Variants in TLN2 observed in about 807,000 individuals in gnomAD.
The protein encoded by TLN2 is talin 2.
TLN2 carries 118 observed loss-of-function variants against 294.7 expected under a neutral mutation model. The ratio of observed to expected loss-of-function variants is 0.40; its 90% CI spans 0.34 to 0.47. TLN2 has a LOEUF of 0.47. TLN2 is among the 20% of genes least tolerant of loss of function. The pLI is 0.84. For synonymous variants in TLN2, 1,431 were observed against 1,304.5 expected (o/e 1.10, Z -2.09); for missense variants, 3,083 against 3,282.2 (o/e 0.94, Z 1.48).
chr15:62,667,172 T>A (rs1013210054), intron 9 of TLN2, among the ~76,000 whole-genome samples: 2 of 152,072 alleles, frequency 1.3e-5, no homozygotes, highest in Admixed American at 1.3e-4. Flanking sequence ...TTCACCATGT[T>A]AGCCAGGATG....
At chr15:62,464,911 G>A (rs533084295) in intron 1 of TLN2, among the ~76,000 whole-genome samples, 2 of 152,156 alleles carry the variant, frequency 1.3e-5, no homozygotes, top group Non-Finnish European at 2.9e-5. Flanking sequence ...TGATGATTTC[G>A]GATTTGTACT....
intron 1 of TLN2, among the ~76,000 whole-genome samples, chr15:62,562,457 T>C (rs1013128737): frequency 3.3e-5 from 5 of 152,176 alleles, no homozygotes; most frequent in Non-Finnish European, 7.4e-5. Context: ...GTCTCCTCCT[T>C]GCCTGTCTGA....
chr15:62,837,540 C>T (rs1243640687), intron 57 of TLN2, among the ~76,000 whole-genome samples: 1 of 152,182 alleles, frequency 6.6e-6, no homozygotes, highest in Non-Finnish European at 1.5e-5. Context: ...TAGAATGCAG[C>T]ATCACTCTTG....
At chr15:62,530,308 ATAAATG>A (rs1353315942) in intron 1 of TLN2, among the ~76,000 whole-genome samples, 1 of 151,372 alleles carries the variant, frequency 6.6e-6, no homozygotes, top group East Asian at 1.9e-4. Flanking sequence ...TCAAAGGAAT[ATAAATG>A]TATTTGTTTG....
rs537052056 is a variant in TLN2, at chr15:62,461,098, G to A, written c.-238+70413G>A. Among the ~76,000 whole-genome samples the A allele has an allele frequency of 3.6e-4, 55 of 152,216 alleles. 2 individuals are homozygous for A. The South Asian group carries it at 1.0e-2, about 28-fold the overall frequency. ...CAAGTAGCAGGGACTACAGGCACAC[G>A]CTACCATGCCCGGCTAATTTTTGTA... On this transcript the variant is annotated intron_variant, in intron 1 of 58. Transcript: ENST00000636159.
chr15:62,699,133 G>T (rs2058550728), intron 16 of TLN2, among the ~76,000 whole-genome samples: 1 of 152,174 alleles, frequency 6.6e-6, no homozygotes, highest in African/African-American at 2.4e-5. Flanking sequence ...ACCAGCTCCA[G>T]TACTGGCTGT....
At chr15:62,702,341 G>A in intron 18 of TLN2, 141 bp downstream of exon 18, 1 of 967,004 alleles carries the variant, frequency 1.0e-6, no homozygotes, top group Non-Finnish European at 1.5e-6. Flanking sequence ...CTGGAGTTGT[G>A]GAACTGGGTG....
chr15:62,592,616 A>T (rs989078543), intron 2 of TLN2, among the ~76,000 whole-genome samples: 2 of 151,466 alleles, frequency 1.3e-5, no homozygotes, highest in African/African-American at 4.9e-5. Context: ...AAACCAGAGG[A>T]AGGAGAATTG....
intron 32 of TLN2, among the ~76,000 whole-genome samples, chr15:62,743,718 A>G (rs1463045741): frequency 6.6e-6 from 1 of 152,138 alleles, no homozygotes; most frequent in Non-Finnish European, 1.5e-5. Context: ...GCAGTTGCCA[A>G]AACGAAGGGG....
At chr15:62,660,400 G>A (rs561938010) in intron 9 of TLN2, among the ~76,000 whole-genome samples, 29 of 152,252 alleles carry the variant, frequency 1.9e-4, no homozygotes, top group African/African-American at 7.0e-4. Flanking sequence ...CTTTATTGAT[G>A]GGGAGAATAA....
At chr15:62,437,657 A>C (rs2035349627) in intron 1 of TLN2, among the ~76,000 whole-genome samples, 1 of 152,156 alleles carries the variant, frequency 6.6e-6, no homozygotes, top group Non-Finnish European at 1.5e-5. Context: ...ATGAGCTTCT[A>C]GTCCTAGCCC....
chr15:62,536,421 G>C (rs1333650515), intron 1 of TLN2, among the ~76,000 whole-genome samples: 1 of 152,036 alleles, frequency 6.6e-6, no homozygotes, highest in Non-Finnish European at 1.5e-5. Context: ...TTTCTTCTGT[G>C]GCACCAATTT....
chr15:62,413,578 C>T (rs926139206), intron 1 of TLN2, among the ~76,000 whole-genome samples: 2 of 152,226 alleles, frequency 1.3e-5, no homozygotes, highest in Non-Finnish European at 2.9e-5. Flanking sequence ...AACCTCTGCA[C>T]TGTAAGTGGC....
chr15:62,620,413 A>G (rs2048693839), intron 3 of TLN2, among the ~76,000 whole-genome samples: 1 of 151,962 alleles, frequency 6.6e-6, no homozygotes. Context: ...TGGCCTGCCT[A>G]CTGCTTTTGT....
Position 62,431,997 on chromosome 15 carries a change from C to T in TLN2, c.-238+41312C>T, listed in dbSNP as rs139254345. 1.2e-3 allele frequency among the ~76,000 whole-genome samples: 183 copies of T among 152,270 alleles called. 4 individuals are homozygous for T. In the East Asian group the frequency reaches 0.03, roughly 25 times the overall value. On this transcript the variant is annotated intron_variant, in intron 1 of 58. Transcript: ENST00000636159. ...CTTCTGGAACGCTCCTTGGAAAGGA[C>T]GTGTTGCTCTTTTAGCTCCTGAATG...
chr15:62,644,917 T>C, intron 3 of TLN2: 1 of 265,192 alleles, frequency 3.8e-6, no homozygotes, highest in Non-Finnish European at 7.4e-6. Context: ...GCAGCAACGC[T>C]TACAACACTT....
rs375134469 is a variant in TLN2 at position 62,796,196 on chromosome 15, G to T, written c.5953G>T (p.Ala1985Ser). 40 of 1,614,198 alleles carry T rather than the reference G, an allele frequency of 2.5e-5. No homozygotes were observed. Among genetic ancestry groups the T allele is most frequent in the Non-Finnish European group, 3.2e-5 (38 of 1,180,042 alleles). The change falls in exon 47 of 59, where the codon GCT becomes TCT. Residue 1985 changes from alanine to serine, a missense_variant. Physicochemically the swap from Ala to Ser is moderately conservative, Grantham distance 99 (BLOSUM62 1). Coordinates refer to ENST00000636159, the MANE Select transcript of TLN2 (RefSeq NM_015059.3). The stretch of plus-strand genomic sequence containing the variant: ...CCAGGCATGCATTACAGCCGCCACC[G>T]CTGTGTCTGGGATCATTGCCGACCT... ...GTQACITAAT[A>S]VSGIIADLDT...
chr15:62,747,535 A>C (rs149899790), intron 32 of TLN2, among the ~76,000 whole-genome samples: 1 of 152,244 alleles, frequency 6.6e-6, no homozygotes, highest in African/African-American at 2.4e-5. Flanking sequence ...ATCTTGTTCC[A>C]TGGGGTTATC....
chr15:62,669,226 A>G lies in TLN2; in HGVS notation c.789-4601A>G, dbSNP rs568084354. Reference sequence around the variant, plus strand: ...CCCTTAGGAAGAATGCAGTAGCTCAATTTTTATACTATTTCAGCAGCTCAT... The same window carrying G: ...CCCTTAGGAAGAATGCAGTAGCTCAGTTTTTATACTATTTCAGCAGCTCAT... On this transcript the variant is annotated intron_variant, in intron 9 of 58. Coordinates refer to ENST00000636159, the MANE Select transcript of TLN2 (RefSeq NM_015059.3). Among the ~76,000 whole-genome samples the G allele has an allele frequency of 1.3e-3, 203 of 152,306 alleles. 2 individuals carry two copies. The South Asian group carries it at 0.016, about 12-fold the overall frequency.
Sources: gnomAD v4.1 joint callset for allele counts (sites outside exome capture counted in the v4.1 genomes callset) on GRCh38, gnomAD v4.1.1 for gene constraint, MANE v1.5 for transcripts, NCBI Gene and HGNC (gene_info 2026-07-23, HGNC 2026-07-21) for gene names.